The following ZFHX4 variants were observed in gnomAD, a reference collection of about 807,000 sequenced individuals.
ZFHX4 encodes the protein zinc finger homeobox protein 4.
In ZFHX4, 56 loss-of-function variants were observed where a neutral mutation model predicts 267.6. The observed-to-expected ratio is 0.21, with a 90% CI of 0.17 to 0.26. The LOEUF (loss-of-function observed/expected upper bound fraction) is 0.26, where lower values mean the gene tolerates loss of function less well. Ranked by LOEUF, ZFHX4 falls within the 10% of genes least tolerant of loss-of-function variation. The pLI is 1.00. For synonymous variants in ZFHX4, 1,778 were observed against 1,665.6 expected (o/e 1.07, Z -1.64); for missense variants, 4,332 against 4,420.0 (o/e 0.98, Z 0.56).
At chr8:76,774,918 A>C (rs1055999723) in intron 3 of ZFHX4, among the ~76,000 whole-genome samples, 2 of 152,174 alleles carry the variant, frequency 1.3e-5, no homozygotes, top group African/African-American at 4.8e-5. Context: ...ACTTCTACAA[A>C]ATATCAGTAA....
chr8:76,780,856 G>C (rs1162221530), intron 4 of ZFHX4, among the ~76,000 whole-genome samples: 1 of 152,054 alleles, frequency 6.6e-6, no homozygotes, highest in African/African-American at 2.4e-5. Flanking sequence ...TTTGAAGTGA[G>C]ACACATTCAT....
At chr8:76,781,014 C>A (rs1810533378) in intron 4 of ZFHX4, among the ~76,000 whole-genome samples, 1 of 152,030 alleles carries the variant, frequency 6.6e-6, no homozygotes, top group African/African-American at 2.4e-5. Flanking sequence ...ATGGTTAGCA[C>A]ATCAGATACG....
intron 3 of ZFHX4, among the ~76,000 whole-genome samples, chr8:76,742,838 C>T (rs935755461): frequency 6.6e-6 from 1 of 152,114 alleles, no homozygotes; most frequent in African/African-American, 2.4e-5. Context: ...CCAAAAGGCC[C>T]TCATCAAGCA....
chr8:76,754,177 T>A (rs538361502), intron 3 of ZFHX4, among the ~76,000 whole-genome samples: 1 of 152,152 alleles, frequency 6.6e-6, no homozygotes, highest in Non-Finnish European at 1.5e-5. Flanking sequence ...TATTTACTTG[T>A]GATAAATTTC....
chr8:76,833,564 CAAT>C, intron 5 of ZFHX4, 158 bp downstream of exon 5: 1 of 586,342 alleles, frequency 1.7e-6, no homozygotes, highest in South Asian at 2.1e-5. Flanking sequence ...GAAATAAATT[CAAT>C]AATTGGAAGT....
In ZFHX4 at chr8:76,863,462, A is replaced by C. The variant is rs1472562997; in HGVS notation, c.9748A>C (p.Ile3250Leu). Residue 3250 changes from isoleucine (I) to leucine (L), a missense_variant, in exon 11 of 11, where the codon ATT (isoleucine) becomes CTT (leucine). By Grantham distance (5) the Ile-to-Leu change is conservative (BLOSUM62 2). This residue lies in a region of ZFHX4 where 1,648 missense variants were observed against 1,625.0 expected (regional missense o/e 1.01). Coordinates refer to ENST00000651372, the MANE Select transcript of ZFHX4 (RefSeq NM_024721.5). The stretch of plus-strand genomic sequence containing the variant: ...TCAGTTGCAGGCATTACAGAATGCA[A>C]TTGCTGGTGACCCAGCTTCCTTTAT... Reference protein sequence around the residue: ...PIQLQALQNAIAGDPASFIGG... With the variant: ...PIQLQALQNALAGDPASFIGG... 1 of 1,613,760 alleles carries C rather than the reference A, an allele frequency of 6.2e-7. No individual in the cohort carries two copies.
intron 3 of ZFHX4, among the ~76,000 whole-genome samples, chr8:76,763,201 A>G (rs1239186657): frequency 6.7e-6 from 1 of 150,308 alleles, no homozygotes; most frequent in Non-Finnish European, 1.5e-5. Context: ...ACTCCACTCT[A>G]TTCTCATCCT....
intron 4 of ZFHX4, among the ~76,000 whole-genome samples, chr8:76,832,563 A>G (rs1382618944): frequency 6.6e-6 from 1 of 152,124 alleles, no homozygotes; most frequent in East Asian, 1.9e-4. Flanking sequence ...CAGGAAAGAG[A>G]AGAAGACAGA....
chr8:76,721,723 T>C (rs1380558044), intron 3 of ZFHX4, among the ~76,000 whole-genome samples: 3 of 152,198 alleles, frequency 2.0e-5, no homozygotes, highest in Non-Finnish European at 4.4e-5. Flanking sequence ...TGCAGAACTT[T>C]GATAAAGAGT....
chr8:76,836,556 T>A (rs910638336), intron 5 of ZFHX4, among the ~76,000 whole-genome samples: 1 of 151,774 alleles, frequency 6.6e-6, no homozygotes, highest in African/African-American at 2.4e-5. Flanking sequence ...TTGGAAAAAA[T>A]TGGTCCCATT....
intron 3 of ZFHX4, among the ~76,000 whole-genome samples, chr8:76,769,015 T>C (rs1810187538): frequency 6.6e-6 from 1 of 152,086 alleles, no homozygotes; most frequent in Admixed American, 6.6e-5. Context: ...GGAGGATTGC[T>C]TGAGCCCAGG....
intron 3 of ZFHX4, among the ~76,000 whole-genome samples, chr8:76,737,532 T>A (rs114803388): frequency 0.01 from 1,535 of 152,276 alleles, 24 homozygotes; most frequent in African/African-American, 0.034. Context: ...AACTTGCATC[T>A]AAGTCTCAGC....
intron 10 of ZFHX4, among the ~76,000 whole-genome samples, chr8:76,858,016 C>G (rs1812776600): frequency 6.6e-6 from 1 of 151,974 alleles, no homozygotes; most frequent in Non-Finnish European, 1.5e-5. Context: ...ATATCTGTAC[C>G]TTTAATCTAC....
At chr8:76,860,043 T>A (rs1019361293) in intron 10 of ZFHX4, among the ~76,000 whole-genome samples, 1 of 152,096 alleles carries the variant, frequency 6.6e-6, no homozygotes, top group Non-Finnish European at 1.5e-5. Flanking sequence ...TTTAACAGTA[T>A]AACTAGATAA....
intron 1 of ZFHX4, among the ~76,000 whole-genome samples, chr8:76,690,071 G>A (rs1288670283): frequency 2.0e-5 from 3 of 152,020 alleles, no homozygotes; most frequent in Non-Finnish European, 4.4e-5. Flanking sequence ...CATTTCTAAT[G>A]TTTGTCTGAC....
chr8:76,794,293 C>A (rs998944500), intron 4 of ZFHX4, among the ~76,000 whole-genome samples: 5 of 152,052 alleles, frequency 3.3e-5, no homozygotes, highest in Non-Finnish European at 2.9e-5. Flanking sequence ...GCAGGTATTT[C>A]CCAATTTTCA....
intron 4 of ZFHX4, among the ~76,000 whole-genome samples, chr8:76,794,586 T>A (rs1022750714): frequency 6.6e-6 from 1 of 152,148 alleles, no homozygotes; most frequent in Non-Finnish European, 1.5e-5. Context: ...CTATATACTC[T>A]ACATGATAAA....
chr8:76,742,121 G>A (rs910957351), intron 3 of ZFHX4, among the ~76,000 whole-genome samples: 7 of 152,186 alleles, frequency 4.6e-5, no homozygotes, highest in Non-Finnish European at 1.0e-4. Flanking sequence ...AGAGGAATAA[G>A]CAGAAAATGA....
chr8:76,683,646 G>C (rs1807611918), intron 1 of ZFHX4: 1 of 126,900 alleles, frequency 7.9e-6, no homozygotes, highest in Admixed American at 7.1e-5. Flanking sequence ...GAGAGAGGGG[G>C]GGAGAGAGGG....
Sources: gnomAD v4.1 joint callset for allele counts (sites outside exome capture counted in the v4.1 genomes callset) on GRCh38, gnomAD v4.1.1 for gene constraint, gnomAD v4.1.1 regional missense constraint, MANE v1.5 for transcripts, NCBI Gene and HGNC (gene_info 2026-07-23, HGNC 2026-07-21) for gene names.